Variants in PREX1 observed in about 807,000 individuals in gnomAD.
PREX1 encodes phosphatidylinositol 3,4,5-trisphosphate-dependent Rac exchanger 1 protein.
In PREX1, 41 loss-of-function variants were observed where a neutral mutation model predicts 198.3. That is an observed-to-expected ratio of 0.21 (90% CI 0.16 to 0.27). The LOEUF (loss-of-function observed/expected upper bound fraction) is 0.27, where lower values mean the gene tolerates loss of function less well. Among genes scored for constraint, PREX1 ranks in the 10% least tolerant of loss-of-function variants. PREX1 has a pLI of 1.00. For missense variants in PREX1, 1,620 were observed against 2,200.7 expected, an observed-to-expected ratio of 0.74 and a Z score of 5.28; for synonymous variants, 843 against 887.2, an observed-to-expected ratio of 0.95 and a Z score of 0.89.
intron 1 of PREX1, among the ~76,000 whole-genome samples, chr20:48,776,478 C>A (rs914217928): frequency 6.6e-6 from 1 of 152,208 alleles, no homozygotes; most frequent in Admixed American, 6.5e-5. Context: ...GCCGCTGGAG[C>A]CTGGAAGCCA....
At position 48,778,512 on chromosome 20, in the gene PREX1, C is replaced by T. The variant is rs577963230; in HGVS notation, c.220-30632G>A. Among the ~76,000 whole-genome samples, 3 of 151,820 alleles carry T rather than the reference C, an allele frequency of 2.0e-5. No homozygotes were observed. In the East Asian group the frequency reaches 5.8e-4, roughly 29 times the overall value. ...GGCTGAGGTGGGACAATCGCTTGAACCCAGGAGGTGGAGGTTGCAGTGAGC... is the reference window on the plus strand; with the variant it reads ...GGCTGAGGTGGGACAATCGCTTGAATCCAGGAGGTGGAGGTTGCAGTGAGC... On this transcript the variant is annotated intron_variant, in intron 1 of 39. Coordinates refer to ENST00000371941, the MANE Select transcript of PREX1 (RefSeq NM_020820.4).
upstream of PREX1, among the ~76,000 whole-genome samples, chr20:48,831,967 T>G (rs1404056765): frequency 6.6e-6 from 1 of 152,124 alleles, no homozygotes; most frequent in African/African-American, 2.4e-5. Context: ...CTATCCCCAT[T>G]TCAACTTTGA....
chr20:48,742,539 AG>A (rs2090086968), intron 3 of PREX1, among the ~76,000 whole-genome samples: 1 of 152,160 alleles, frequency 6.6e-6, no homozygotes. Context: ...GGAGGATGCC[AG>A]GAAGGCCCCA....
intron 27 of PREX1, chr20:48,642,735 T>C (rs1257716058): frequency 4.8e-6 from 2 of 415,540 alleles, no homozygotes; most frequent in African/African-American, 2.0e-5. Flanking sequence ...ACTGCTACTG[T>C]TTCCATTCTG....
At chr20:48,870,655 A>G in the PREX1 span, among the ~76,000 whole-genome samples, 1 of 152,166 alleles carries the variant, frequency 6.6e-6, no homozygotes, top group Non-Finnish European at 1.5e-5. Flanking sequence ...CAACCGTAAA[A>G]ATCATATTTA....
At chr20:48,731,503 G>A (rs2090034677) in intron 4 of PREX1, among the ~76,000 whole-genome samples, 1 of 152,196 alleles carries the variant, frequency 6.6e-6, no homozygotes, top group African/African-American at 2.4e-5. Flanking sequence ...TAGGTGCTTA[G>A]TAAGAAGTTG....
chr20:48,771,163 G>A (rs1207280379), intron 1 of PREX1, among the ~76,000 whole-genome samples: 2 of 151,826 alleles, frequency 1.3e-5, no homozygotes, highest in African/African-American at 2.4e-5. Context: ...TGTCATCACC[G>A]GTTGCACATA....
At chr20:48,867,810 CAAAT>C in the PREX1 span, among the ~76,000 whole-genome samples, 3 of 151,330 alleles carry the variant, frequency 2.0e-5, no homozygotes, top group Non-Finnish European at 2.9e-5. Context: ...AACAAACAAA[CAAAT>C]AAATAAATAA....
At chr20:48,842,554 G>A in the PREX1 span, among the ~76,000 whole-genome samples, 12 of 151,472 alleles carry the variant, frequency 7.9e-5, no homozygotes, top group Non-Finnish European at 1.3e-4. Flanking sequence ...GCAGTGAACC[G>A]TGATTGTGCC....
the PREX1 span, among the ~76,000 whole-genome samples, chr20:48,887,797 A>G: frequency 4.6e-5 from 7 of 151,958 alleles, no homozygotes; most frequent in African/African-American, 1.7e-4. Flanking sequence ...ATACTAAAAC[A>G]AAATTAGCCG....
At chr20:48,651,174 G>T in intron 22 of PREX1, 119 bp from the exon 23 acceptor site, 1 of 1,345,180 alleles carries the variant, frequency 7.4e-7, no homozygotes, top group Non-Finnish European at 1.0e-6. Flanking sequence ...GTGTGTTGCT[G>T]GCCCATATTG....
intron 1 of PREX1, among the ~76,000 whole-genome samples, chr20:48,749,654 G>C (rs1346231140): frequency 6.6e-6 from 1 of 152,158 alleles, no homozygotes; most frequent in African/African-American, 2.4e-5. Flanking sequence ...TCTTGGGAGG[G>C]GGCGCAATGA....
intron 1 of PREX1, among the ~76,000 whole-genome samples, chr20:48,768,753 T>C (rs2090220537): frequency 6.6e-6 from 1 of 150,924 alleles, no homozygotes; most frequent in South Asian, 2.1e-4. Flanking sequence ...CCAGCCTGGG[T>C]GACAAAGCGA....
At chr20:48,670,614 C>T (rs977430077) in intron 14 of PREX1, among the ~76,000 whole-genome samples, 3 of 152,212 alleles carry the variant, frequency 2.0e-5, no homozygotes, top group African/African-American at 7.2e-5. Context: ...TTCAAAGCCC[C>T]GCTCTGCCCT....
intron 7 of PREX1, among the ~76,000 whole-genome samples, chr20:48,696,491 C>G (rs764403048): frequency 1.3e-5 from 2 of 152,180 alleles, no homozygotes; most frequent in Non-Finnish European, 2.9e-5. Context: ...TACAGCAGGA[C>G]TTGGAATCCA....
chr20:48,887,599 G>A, the PREX1 span, among the ~76,000 whole-genome samples: 2,618 of 152,098 alleles, frequency 0.017, 34 homozygotes, highest in Non-Finnish European at 0.027. Flanking sequence ...CAGCCTGGGC[G>A]ACAGAGTGAG....
intron 26 of PREX1, among the ~76,000 whole-genome samples, chr20:48,645,575 C>T (rs1226715447): frequency 6.6e-6 from 1 of 152,196 alleles, no homozygotes; most frequent in African/African-American, 2.4e-5. Flanking sequence ...TGCCTGACAA[C>T]ATCGTGTCAG....
intron 1 of PREX1, among the ~76,000 whole-genome samples, chr20:48,824,038 TGTCA>T (rs1473354066): frequency 2.6e-5 from 4 of 152,206 alleles, no homozygotes; most frequent in African/African-American, 9.7e-5. Context: ...CAGCAATGAC[TGTCA>T]TTGTTTTCAT....
intron 29 of PREX1, 200 bp downstream of exon 29, chr20:48,641,968 G>A: frequency 2.0e-6 from 1 of 489,634 alleles, no homozygotes; most frequent in Non-Finnish European, 3.7e-6. Context: ...AAAAGAAAAA[G>A]AAAAAGAACC....
Sources: allele counts gnomAD v4.1 joint callset (sites outside exome capture counted in the v4.1 genomes callset), GRCh38; gene constraint gnomAD v4.1.1; transcripts MANE v1.5; gene names NCBI Gene and HGNC (gene_info 2026-07-23, HGNC 2026-07-21).